CWF19L2: variants seen among roughly 807,000 people sequenced by gnomAD.
CWF19L2 encodes the protein CWF19 like cell cycle control factor 2.
In CWF19L2, 98 loss-of-function variants were observed where a neutral mutation model predicts 111.7. The ratio of observed to expected loss-of-function variants is 0.88; its 90% CI spans 0.75 to 1.04. The LOEUF is 1.04. Ranked by LOEUF, CWF19L2 falls within the 50% of genes least tolerant of loss-of-function variation. The pLI is 0.00. For synonymous variants in CWF19L2, 351 were observed against 342.9 expected, an observed-to-expected ratio of 1.02 and a Z score of -0.26; for missense variants, 1,101 against 1,051.4, an observed-to-expected ratio of 1.05 and a Z score of -0.65.
chr11:107,405,850 A>AAAAGAAG (rs5794548), intron 10 of CWF19L2, among the ~76,000 whole-genome samples: 1,721 of 141,808 alleles, frequency 0.012, 20 homozygotes, highest in Middle Eastern at 0.033. Flanking sequence ...AAAAAAAAAA[A>AAAAGAAG]AAGAAGAAGA....
At chr11:107,421,512 A>G (rs2135402108) in intron 8 of CWF19L2, among the ~76,000 whole-genome samples, 1 of 152,202 alleles carries the variant, frequency 6.6e-6, no homozygotes, top group East Asian at 1.9e-4. Context: ...AAAGAGATCT[A>G]AATTACTAGT....
chr11:107,361,128 T>C (rs1860326264), intron 12 of CWF19L2, among the ~76,000 whole-genome samples: 1 of 152,216 alleles, frequency 6.6e-6, no homozygotes, highest in South Asian at 2.1e-4. Flanking sequence ...GATTTTTGTG[T>C]ATGTTCAGAG....
chr11:107,382,058 A>G (rs936046836), intron 12 of CWF19L2, among the ~76,000 whole-genome samples: 2 of 152,154 alleles, frequency 1.3e-5, no homozygotes, highest in Admixed American at 6.5e-5. Context: ...AACAAAATTA[A>G]TGAGGAAAGA....
intron 5 of CWF19L2, among the ~76,000 whole-genome samples, 177 bp downstream of exon 5, chr11:107,441,326 T>C (rs1350314276): frequency 6.6e-6 from 1 of 152,162 alleles, no homozygotes; most frequent in Non-Finnish European, 1.5e-5. Context: ...TAAACTCACT[T>C]CCTATAGGAA....
intron 13 of CWF19L2, among the ~76,000 whole-genome samples, chr11:107,351,395 A>C (rs1197971436): frequency 6.6e-6 from 1 of 152,150 alleles, no homozygotes; most frequent in African/African-American, 2.4e-5. Flanking sequence ...GTGTTAGCTA[A>C]AGGTAAAGGT....
intron 13 of CWF19L2, among the ~76,000 whole-genome samples, chr11:107,350,630 C>A (rs532923930): frequency 6.6e-6 from 1 of 151,878 alleles, no homozygotes; most frequent in Non-Finnish European, 1.5e-5. Context: ...ATCCAGTCTA[C>A]GGTATTTTTT....
At position 107,368,625 on chromosome 11, in the gene CWF19L2, T is replaced by C. The variant is rs2134567710; in HGVS notation, c.1873-14889A>G. 1.4e-5 allele frequency among the ~76,000 whole-genome samples: 2 copies of C among 138,070 alleles called. 1 individual carries two copies. The highest frequency in any genetic ancestry group is 4.9e-4 in the South Asian group (2 of 4,090). 90.6% of individuals were successfully genotyped at this position (138,070 alleles called of 152,430 possible). On this transcript the variant is annotated intron_variant, in intron 12 of 17. Coordinates refer to ENST00000282251, the MANE Select transcript of CWF19L2 (RefSeq NM_152434.3). ...GTGAGGTGCCAAATTATGACTGATA[T>C]TCAGAATACAACCTTGGTTAATGTA...
At chr11:107,383,119 G>A (rs148281669) in intron 12 of CWF19L2, among the ~76,000 whole-genome samples, 25 of 152,322 alleles carry the variant, frequency 1.6e-4, no homozygotes, top group Non-Finnish European at 2.8e-4. Context: ...TAATTTAAGT[G>A]TTTCCCTGAA....
intron 10 of CWF19L2, among the ~76,000 whole-genome samples, chr11:107,400,029 A>C (rs12807553): frequency 0.2 from 30,961 of 152,108 alleles, 3,262 homozygotes; most frequent in South Asian, 0.25. Flanking sequence ...AAAGACGGTA[A>C]TGACACAACC....
intron 3 of CWF19L2, 51 bp from the exon 4 acceptor site, chr11:107,443,100 AT>A (rs1189699749): frequency 8.1e-6 from 10 of 1,241,952 alleles, no homozygotes; most frequent in Middle Eastern, 1.8e-4. Context: ...ATACTTTGAT[AT>A]AAAAATTCTG....
intron 10 of CWF19L2, among the ~76,000 whole-genome samples, chr11:107,408,271 T>C (rs2135391160): frequency 6.6e-6 from 1 of 152,036 alleles, no homozygotes; most frequent in African/African-American, 2.4e-5. Flanking sequence ...TGAATTAAGA[T>C]CTCAAGGATA....
intron 14 of CWF19L2, among the ~76,000 whole-genome samples, chr11:107,344,804 G>A (rs778586610): frequency 1.4e-4 from 22 of 152,154 alleles, no homozygotes; most frequent in Non-Finnish European, 2.6e-4. Flanking sequence ...TTAAGAGACT[G>A]GATCTTGTTT....
At chr11:107,443,941 C>T (rs1861667212) in intron 3 of CWF19L2, among the ~76,000 whole-genome samples, 3 of 152,122 alleles carry the variant, frequency 2.0e-5, no homozygotes, top group Non-Finnish European at 4.4e-5. Flanking sequence ...TCCTTATTTC[C>T]AGTTAACTCC....
At chr11:107,453,603 C>G (rs78002743) in intron 3 of CWF19L2, among the ~76,000 whole-genome samples, 4,153 of 151,824 alleles carry the variant, frequency 0.027, 106 homozygotes, top group East Asian at 0.1. Flanking sequence ...AGACTCAGCA[C>G]ATTCCCAGCT....
chr11:107,361,978 G>A (rs929215226), intron 12 of CWF19L2, among the ~76,000 whole-genome samples: 4 of 152,330 alleles, frequency 2.6e-5, no homozygotes, highest in Admixed American at 2.0e-4. Context: ...CACCGTGCGT[G>A]AGCCGAAGCA....
chr11:107,437,649 G>A lies in CWF19L2; in HGVS notation c.664+1441C>T, dbSNP rs11823623. 8.4e-3 allele frequency among the ~76,000 whole-genome samples: 1,281 copies of A among 152,214 alleles called. 10 individuals carry two copies. Among genetic ancestry groups the A allele is most frequent in the African/African-American group, 0.028 (1,179 of 41,556 alleles). On this transcript the variant is annotated intron_variant, in intron 6 of 17. Transcript: ENST00000282251. ...CATGACATGAAGGGGAAGGGAGAAG[G>A]GCACTCTAAAAGCATAATTTTCTCC...
intron 10 of CWF19L2, chr11:107,404,386 C>T (rs1591185883): frequency 2.5e-6 from 2 of 788,106 alleles, no homozygotes; most frequent in Non-Finnish European, 2.4e-6. Context: ...GCATCAGCAG[C>T]TTATCTGGTG....
intron 9 of CWF19L2, 36 bp downstream of exon 9, chr11:107,418,158 A>C (rs774127832): frequency 1.6e-6 from 2 of 1,261,112 alleles, no homozygotes; most frequent in East Asian, 4.6e-5. Flanking sequence ...TAAACATTTA[A>C]TCATTATTCT....
chr11:107,434,937 A>C (rs1360339813), intron 6 of CWF19L2, among the ~76,000 whole-genome samples: 1 of 151,962 alleles, frequency 6.6e-6, no homozygotes, highest in Non-Finnish European at 1.5e-5. Context: ...GCTGCTGTAC[A>C]CTTGTGGTTT....
Sources: gnomAD v4.1 joint callset for allele counts (sites outside exome capture counted in the v4.1 genomes callset) on GRCh38, gnomAD v4.1.1 for gene constraint, MANE v1.5 for transcripts, NCBI Gene and HGNC (gene_info 2026-07-23, HGNC 2026-07-21) for gene names.